DNAJC1: variants seen among roughly 807,000 people sequenced by gnomAD.
The protein encoded by DNAJC1 is dnaJ homolog subfamily C member 1.
Under a neutral mutation model 76.6 loss-of-function variants are expected in DNAJC1, and 58 were observed. The observed-to-expected ratio is 0.76, with a 90% CI of 0.61 to 0.94. The LOEUF is 0.94. DNAJC1 is among the 40% of genes least tolerant of loss of function. The pLI, the probability that DNAJC1 is intolerant of heterozygous loss-of-function variation, is 0.00. For synonymous variants in DNAJC1, 258 were observed against 267.9 expected, an observed-to-expected ratio of 0.96 and a Z score of 0.36; for missense variants, 689 against 677.3, an observed-to-expected ratio of 1.02 and a Z score of -0.19.
intron 6 of DNAJC1, among the ~76,000 whole-genome samples, chr10:21,908,063 A>T (rs2131749080): frequency 8.4e-6 from 1 of 118,422 alleles, no homozygotes; most frequent in African/African-American, 3.3e-5. Context: ...TATATATAAT[A>T]TAATATACAT....
chr10:21,824,567 C>T (rs139527389), intron 8 of DNAJC1, among the ~76,000 whole-genome samples: 1 of 152,276 alleles, frequency 6.6e-6, no homozygotes, highest in African/African-American at 2.4e-5. Flanking sequence ...TGTTACTGAA[C>T]TGCTAAACAG....
At chr10:21,786,465 G>T (rs11012788) in intron 9 of DNAJC1, among the ~76,000 whole-genome samples, 53 of 110,962 alleles carry the variant, frequency 4.8e-4, no homozygotes, top group East Asian at 1.1e-3. Flanking sequence ...TATATATATA[G>T]AGAGAGAGAG....
intron 9 of DNAJC1, among the ~76,000 whole-genome samples, chr10:21,804,616 C>T (rs1289738253): frequency 1.4e-5 from 2 of 147,436 alleles, no homozygotes; most frequent in African/African-American, 2.5e-5. Flanking sequence ...CCTTATGGTT[C>T]TTTTCTAGTA....
chr10:21,901,587 T>G (rs1158898202), intron 7 of DNAJC1, among the ~76,000 whole-genome samples: 1 of 152,208 alleles, frequency 6.6e-6, no homozygotes, highest in African/African-American at 2.4e-5. Flanking sequence ...GAAGGATATT[T>G]ATTTTTAAGA....
chr10:21,869,010 C>T (rs1836055989), intron 8 of DNAJC1, among the ~76,000 whole-genome samples: 1 of 151,920 alleles, frequency 6.6e-6, no homozygotes, highest in Non-Finnish European at 1.5e-5. Flanking sequence ...TATTTTGTCC[C>T]CAAATACATT....
At chr10:21,801,377 T>A (rs1029300439) in intron 9 of DNAJC1, among the ~76,000 whole-genome samples, 1 of 151,896 alleles carries the variant, frequency 6.6e-6, no homozygotes, top group Non-Finnish European at 1.5e-5. Context: ...AACAAGGATA[T>A]GAAAAAAAGC....
intron 1 of DNAJC1, among the ~76,000 whole-genome samples, chr10:21,987,868 T>C (rs1838271254): frequency 6.6e-6 from 1 of 152,176 alleles, no homozygotes; most frequent in Admixed American, 6.5e-5. Context: ...ATTCAAACTC[T>C]TCTCATTAGC....
At chr10:21,772,679 G>C (rs888793324) in intron 9 of DNAJC1, among the ~76,000 whole-genome samples, 5 of 151,928 alleles carry the variant, frequency 3.3e-5, no homozygotes, top group African/African-American at 1.2e-4. Flanking sequence ...TATTTTCCAA[G>C]AATCAGCTTT....
At position 21,982,382 on chromosome 10, in the gene DNAJC1, A is replaced by G. The variant is rs546839542; in HGVS notation, c.222+20831T>C. On this transcript the variant is annotated intron_variant, in intron 1 of 11. Transcript: ENST00000376980. The stretch of plus-strand genomic sequence containing the variant: ...ATATGACAGAGGTACAGGCAAAAAA[A>G]AGAAAAAAATAATAAATTGGACCTC... Among the ~76,000 whole-genome samples the G allele has an allele frequency of 1.1e-4, 16 of 152,308 alleles. No individual in the cohort carries two copies. In the South Asian group the frequency reaches 3.3e-3, roughly 32 times the overall value.
chr10:21,844,208 C>T (rs887310979), intron 8 of DNAJC1, among the ~76,000 whole-genome samples: 2 of 152,056 alleles, frequency 1.3e-5, no homozygotes, highest in African/African-American at 4.8e-5. Context: ...GAAAATGGAC[C>T]AATATACTCA....
intron 7 of DNAJC1, among the ~76,000 whole-genome samples, chr10:21,884,791 A>T (rs1836343242): frequency 6.6e-6 from 1 of 152,172 alleles, no homozygotes; most frequent in African/African-American, 2.4e-5. Flanking sequence ...TTAAAAAGCA[A>T]ATAAATTCAA....
chr10:21,815,473 A>C (rs1835059747), intron 8 of DNAJC1, among the ~76,000 whole-genome samples: 1 of 152,184 alleles, frequency 6.6e-6, no homozygotes, highest in African/African-American at 2.4e-5. Context: ...ATCAGTAATA[A>C]ACTGTCCTCT....
intron 10 of DNAJC1, among the ~76,000 whole-genome samples, chr10:21,765,417 G>A (rs1025350225): frequency 6.6e-6 from 1 of 152,172 alleles, no homozygotes; most frequent in African/African-American, 2.4e-5. Flanking sequence ...TTGTTCATCT[G>A]CATTACTCTC....
Position 21,919,901 on chromosome 10 carries a change from T to TGGCAG in DNAJC1, c.565_566insCTGCC (p.Glu189AlafsTer28). The TGGCAG allele has an allele frequency of 6.2e-7, 1 of 1,607,414 alleles. No individual in the cohort carries two copies. Among genetic ancestry groups the TGGCAG allele is most frequent in the Non-Finnish European group, 8.5e-7 (1 of 1,178,294 alleles). ...CTTGCTGCCAGTCTTTTTTTTCTTTTCTCTCTTTTTTCTACTTAGTAGTTC... is the reference window on the plus strand; with the variant it reads ...CTTGCTGCCAGTCTTTTTTTTCTTTTGGCAGCTCTCTTTTTTCTACTTAGTAGTTC... On this transcript the variant is annotated frameshift_variant, in exon 5 of 12. Coordinates refer to ENST00000376980, the MANE Select transcript of DNAJC1 (RefSeq NM_022365.4). LOFTEE classifies it high-confidence loss of function.
At chr10:21,956,897 ATTTT>A (rs772137685) in intron 1 of DNAJC1, among the ~76,000 whole-genome samples, 2 of 134,704 alleles carry the variant, frequency 1.5e-5, no homozygotes, top group African/African-American at 2.8e-5. Flanking sequence ...TTATTTCTAG[ATTTT>A]TTTTTTTTTT....
In DNAJC1 at chr10:21,872,895, AAAG is replaced by A. The variant is rs758182271; in HGVS notation, c.978+9384_978+9386del. The stretch of plus-strand genomic sequence containing the variant: ...TTACACCCAATTTCTGCCTCCAAAG[AAAG>A]AAGAAGTAAAAACTAAAAGGCAGAA... On this transcript the variant is annotated intron_variant, in intron 8 of 11. Coordinates refer to ENST00000376980, the MANE Select transcript of DNAJC1 (RefSeq NM_022365.4). 1.1e-3 allele frequency among the ~76,000 whole-genome samples: 170 copies of A among 152,328 alleles called. 1 individual carries two copies. Among genetic ancestry groups the A allele is most frequent in the Non-Finnish European group, 2.0e-3 (136 of 68,024 alleles).
chr10:21,920,683 TAGAATG>T, intron 4 of DNAJC1, 109 bp downstream of exon 4: 1 of 866,528 alleles, frequency 1.2e-6, no homozygotes, highest in Non-Finnish European at 1.7e-6. Context: ...ATAAAACTAT[TAGAATG>T]AGAAGTATAC....
chr10:21,910,177 A>C (rs1249651019), intron 6 of DNAJC1, among the ~76,000 whole-genome samples: 2 of 151,760 alleles, frequency 1.3e-5, no homozygotes, highest in East Asian at 3.9e-4. Flanking sequence ...GTGGAGAGGC[A>C]AGATCTCGGC....
intron 1 of DNAJC1, among the ~76,000 whole-genome samples, chr10:21,997,291 C>G (rs1838432052): frequency 6.6e-6 from 1 of 152,120 alleles, no homozygotes. Context: ...GTCGGGCAGA[C>G]AAGAGATGAA....
Sources: allele counts gnomAD v4.1 joint callset (sites outside exome capture counted in the v4.1 genomes callset), GRCh38; gene constraint gnomAD v4.1.1; transcripts MANE v1.5; gene names NCBI Gene and HGNC (gene_info 2026-07-23, HGNC 2026-07-21).